The following DLG2 variants were observed in gnomAD, a reference collection of about 807,000 sequenced individuals.
The protein encoded by DLG2 is disks large homolog 2.
Under a neutral mutation model 132.5 loss-of-function variants are expected in DLG2, and 45 were observed. That is an observed-to-expected ratio of 0.34 (90% CI 0.27 to 0.44). The LOEUF (loss-of-function observed/expected upper bound fraction) is 0.44, where lower values mean the gene tolerates loss of function less well. Among genes scored for constraint, DLG2 ranks in the 20% least tolerant of loss-of-function variants. The pLI is 1.00. For synonymous variants in DLG2, 424 were observed against 419.6 expected (o/e 1.01, Z -0.13); for missense variants, 1,045 against 1,196.9 (o/e 0.87, Z 1.87).
intron 11 of DLG2, among the ~76,000 whole-genome samples, chr11:84,037,453 C>A (rs2095898701): frequency 6.6e-6 from 1 of 151,996 alleles, no homozygotes; most frequent in African/African-American, 2.4e-5. Context: ...ACAGGAAAAA[C>A]AATAGCTTTG....
chr11:83,953,268 TG>T (rs1228055889), intron 14 of DLG2, among the ~76,000 whole-genome samples: 1 of 152,176 alleles, frequency 6.6e-6, no homozygotes, highest in Non-Finnish European at 1.5e-5. Flanking sequence ...AGTCCTCAAC[TG>T]GTCAGGTCTA....
At chr11:83,724,159 C>A (rs558614024) in intron 18 of DLG2, among the ~76,000 whole-genome samples, 1 of 152,282 alleles carries the variant, frequency 6.6e-6, no homozygotes, top group South Asian at 2.1e-4. Context: ...CCAGAACGTA[C>A]TACCCATTTT....
chr11:84,130,190 A>G (rs1489554951), intron 9 of DLG2, among the ~76,000 whole-genome samples: 3 of 151,956 alleles, frequency 2.0e-5, no homozygotes, highest in African/African-American at 4.8e-5. Flanking sequence ...GTCTGAAACT[A>G]TGTTCTACAC....
At chr11:85,448,990 CA>C (rs2092126280) in intron 3 of DLG2, among the ~76,000 whole-genome samples, 1 of 152,118 alleles carries the variant, frequency 6.6e-6, no homozygotes, top group Non-Finnish European at 1.5e-5. Flanking sequence ...TTAATCTTAT[CA>C]AATGAAACTC....
intron 17 of DLG2, among the ~76,000 whole-genome samples, chr11:83,823,328 A>G (rs1565211011): frequency 6.6e-6 from 1 of 152,170 alleles, no homozygotes; most frequent in Non-Finnish European, 1.5e-5. Context: ...AAACTTGTAT[A>G]GGAAGTCCTT....
intron 6 of DLG2, among the ~76,000 whole-genome samples, chr11:84,786,377 C>A (rs2072896896): frequency 6.6e-6 from 1 of 152,104 alleles, no homozygotes; most frequent in Admixed American, 6.5e-5. Context: ...ATAGAACTAA[C>A]CATTTGGTTT....
intron 2 of DLG2, among the ~76,000 whole-genome samples, chr11:85,614,363 C>T (rs191665692): frequency 3.3e-5 from 5 of 151,752 alleles, no homozygotes; most frequent in East Asian, 1.9e-4. Context: ...ATAGTTCGGC[C>T]GGGCATGGTG....
chr11:84,742,716 G>A (rs2064845925), intron 6 of DLG2, among the ~76,000 whole-genome samples: 2 of 152,192 alleles, frequency 1.3e-5, no homozygotes, highest in South Asian at 4.1e-4. Flanking sequence ...CTGTGGGTTT[G>A]GATAAATGCA....
chr11:83,503,595 G>A (rs1034818106), intron 21 of DLG2, among the ~76,000 whole-genome samples: 2 of 151,716 alleles, frequency 1.3e-5, no homozygotes, highest in Admixed American at 6.6e-5. Flanking sequence ...AGGGTAGGAA[G>A]CATCCAGCAT....
intron 10 of DLG2, among the ~76,000 whole-genome samples, chr11:84,074,690 G>T (rs778068571): frequency 6.6e-6 from 1 of 151,788 alleles, no homozygotes; most frequent in African/African-American, 2.4e-5. Flanking sequence ...CACCACGCCC[G>T]GCTAATTTTT....
intron 9 of DLG2, among the ~76,000 whole-genome samples, chr11:84,149,658 A>G (rs1488986004): frequency 1.3e-5 from 2 of 152,110 alleles, no homozygotes; most frequent in African/African-American, 4.8e-5. Flanking sequence ...TGATGCCTCC[A>G]GTTGTGTTCT....
intron 3 of DLG2, among the ~76,000 whole-genome samples, chr11:85,398,159 A>G (rs1354265314): frequency 6.6e-6 from 1 of 152,228 alleles, no homozygotes; most frequent in Non-Finnish European, 1.5e-5. Flanking sequence ...GAAACTGAAC[A>G]ACTTGCTCCT....
chr11:84,386,495 C>T (rs912617444), intron 7 of DLG2, among the ~76,000 whole-genome samples: 4 of 152,000 alleles, frequency 2.6e-5, no homozygotes, highest in Non-Finnish European at 5.9e-5. Context: ...CACATCCCCT[C>T]TTCTGTCAGC....
chr11:84,092,797 G>C (rs562651410), intron 10 of DLG2, among the ~76,000 whole-genome samples: 6 of 152,084 alleles, frequency 3.9e-5, no homozygotes, highest in African/African-American at 1.4e-4. Flanking sequence ...CAGCACTTTG[G>C]GAGGCTGAGG....
At chr11:85,089,497 A>G (rs1397813649) in intron 6 of DLG2, among the ~76,000 whole-genome samples, 2 of 152,178 alleles carry the variant, frequency 1.3e-5, no homozygotes, top group Non-Finnish European at 2.9e-5. Context: ...ATTCCATGCT[A>G]TATGTACCTC....
chr11:84,327,754 T>C (rs902308154), intron 7 of DLG2, among the ~76,000 whole-genome samples: 4 of 152,192 alleles, frequency 2.6e-5, no homozygotes, highest in Non-Finnish European at 5.9e-5. Context: ...ACAAATTACG[T>C]CTTTTTATAT....
chr11:84,257,813 A>G (rs1012236100), intron 7 of DLG2, among the ~76,000 whole-genome samples: 1 of 151,286 alleles, frequency 6.6e-6, no homozygotes. Flanking sequence ...CAGACTCCCA[A>G]GTAGCTGGGA....
At chr11:84,799,936 T>C (rs1277283580) in intron 6 of DLG2, among the ~76,000 whole-genome samples, 1 of 152,210 alleles carries the variant, frequency 6.6e-6, no homozygotes. Flanking sequence ...ACTTTCCATT[T>C]GCATATGCTT....
At chr11:83,711,592 G>C (rs1566650957) in intron 18 of DLG2, among the ~76,000 whole-genome samples, 1 of 152,166 alleles carries the variant, frequency 6.6e-6, no homozygotes, top group Non-Finnish European at 1.5e-5. Context: ...GTGTGACCAA[G>C]GTAACTACCC....
Sources: gnomAD v4.1 joint callset for allele counts (sites outside exome capture counted in the v4.1 genomes callset) on GRCh38, gnomAD v4.1.1 for gene constraint, MANE v1.5 for transcripts, NCBI Gene and HGNC (gene_info 2026-07-23, HGNC 2026-07-21) for gene names.